The following TAOK2 variants were observed in gnomAD, a reference collection of about 807,000 sequenced individuals.
TAOK2 encodes the protein serine/threonine-protein kinase TAO2.
Under a neutral mutation model 122.5 loss-of-function variants are expected in TAOK2, and 42 were observed. The ratio of observed to expected loss-of-function variants is 0.34; its 90% CI spans 0.27 to 0.44. TAOK2 has a LOEUF of 0.44. TAOK2 is among the 20% of genes least tolerant of loss of function. TAOK2 has a pLI of 1.00. For synonymous variants in TAOK2, 704 were observed against 677.6 expected (o/e 1.04, Z -0.61); for missense variants, 1,264 against 1,644.9 (o/e 0.77, Z 4.01).
In TAOK2 at chr16:29,985,460, C is replaced by T; in HGVS notation, c.1670C>T (p.Ala557Val). Reference sequence around the variant, plus strand: ...ATAGGTGAGAAGGAGGCACGAGCTGCCCAGGCCGAGGAGCGGAAGTTCCAG... The same window carrying T: ...ATAGGTGAGAAGGAGGCACGAGCTGTCCAGGCCGAGGAGCGGAAGTTCCAG... ...QAIGEKEARA[A>V]QAEERKFQQH... is the part of the protein sequence containing the mutation. The change falls in exon 14 of 16, where the codon GCC becomes GTC. Residue 557 changes from alanine (A) to valine (V), a missense_variant. This residue lies in a region of TAOK2 where 824 missense variants were observed against 908.7 expected (regional missense o/e 0.91). Transcript: ENST00000308893. This position sits in a 1 kb window ranked among gnomAD's most constrained non-coding sequence, Gnocchi z 6.9. 1 of 1,612,320 alleles carries T rather than the reference C, an allele frequency of 6.2e-7. No homozygotes were observed.
rs778568429 is a variant in TAOK2, at chr16:29,981,669, A to C, written c.664A>C (p.Lys222Gln). The C allele has an allele frequency of 1.9e-6, 3 of 1,614,002 alleles. No individual in the cohort carries two copies. The highest frequency in any genetic ancestry group is 2.5e-6 in the Non-Finnish European group (3 of 1,180,018). Residue 222 changes from lysine (K) to glutamine (Q), a missense_variant, in exon 9 of 16, where the codon AAA becomes CAA. Around this residue, in one of 4 missense-constraint regions of TAOK2, gnomAD observed 254 missense variants for 503.8 expected, o/e 0.50. Coordinates refer to ENST00000308893, the MANE Select transcript of TAOK2 (RefSeq NM_016151.4). ...TTCACCTTTTTCTGTAGCTGAACGG[A>C]AACCACCGCTCTTTAACATGAATGC... ...GITCIELAER[K>Q]PPLFNMNAMS...
At chr16:29,982,365 G>A (rs9925915) in intron 10 of TAOK2, among the ~76,000 whole-genome samples, 2 of 152,006 alleles carry the variant, frequency 1.3e-5, no homozygotes, top group South Asian at 2.1e-4. Context: ...CTGAGGAGCC[G>A]TAGTTGGAAA....
Position 29,979,471 on chromosome 16 carries a change from G to A in TAOK2, c.618G>A (p.Val206=), listed in dbSNP as rs1344225081. 1 of 1,570,218 alleles carries A rather than the reference G, an allele frequency of 6.4e-7. No homozygotes were observed. The highest frequency in any genetic ancestry group is 2.3e-5 in the East Asian group (1 of 44,434). Residue 206 remains valine, a synonymous_variant, in exon 8 of 16, where the codon GTG becomes GTA. Coordinates refer to ENST00000308893, the MANE Select transcript of TAOK2 (RefSeq NM_016151.4). This position sits in a 1 kb window ranked among gnomAD's most constrained non-coding sequence, Gnocchi z 4.1. The part of the protein sequence containing the change: ...AMDEGQYDGK[V]DVWSLGITCI... ...ATGAGGGGCAGTACGATGGCAAAGT[G>A]GACGTCTGGTCCTTGGGGATAACCT...
chr16:29,978,471 G>C, intron 4 of TAOK2, 118 bp downstream of exon 4: 1 of 1,187,646 alleles, frequency 8.4e-7, no homozygotes, highest in Non-Finnish European at 1.2e-6. Context: ...TGGGAAGGAG[G>C]AAGTCTCTTT....
At chr16:29,983,763 G>A in intron 13 of TAOK2, 99 bp downstream of exon 13, 1 of 1,502,714 alleles carries the variant, frequency 6.7e-7, no homozygotes, top group Non-Finnish European at 8.9e-7. Context: ...GATTGAGTCT[G>A]GATTCTACCC....
At chr16:29,990,037 C>T, downstream of TAOK2, 1 of 486,964 alleles carries the variant, frequency 2.1e-6, no homozygotes, top group South Asian at 2.6e-5. Context: ...GTGCCTATTC[C>T]CAAGAACCAC....
chr16:29,978,838 C>T lies in TAOK2; in HGVS notation c.346C>T (p.Leu116=), dbSNP rs2069534256. ...EYCLGSASDL[L]EVHKKPLQEV... ...TTGCCTGGGCTCAGCTTCTGACCTTCTAGAAGGTAAGTGACTGATAGGCCA... is the reference window on the plus strand; with the variant it reads ...TTGCCTGGGCTCAGCTTCTGACCTTTTAGAAGGTAAGTGACTGATAGGCCA... The change falls in exon 5 of 16, where the codon CTA becomes TTA. Residue 116 remains leucine, a synonymous_variant. Coordinates refer to ENST00000308893, the MANE Select transcript of TAOK2 (RefSeq NM_016151.4). The T allele has an allele frequency of 6.2e-7, 1 of 1,613,810 alleles. No homozygotes were observed. The highest frequency in any genetic ancestry group is 1.7e-5 in the Admixed American group (1 of 59,986).
intron 8 of TAOK2, chr16:29,981,198 C>T: frequency 3.6e-6 from 1 of 280,194 alleles, no homozygotes; most frequent in Non-Finnish European, 6.6e-6. Context: ...TGCATACTCT[C>T]AACTTCCCAG....
chr16:29,991,369 C>T (rs957266536), downstream of TAOK2: 2 of 1,588,070 alleles, frequency 1.3e-6, no homozygotes, highest in East Asian at 4.5e-5. The surrounding 1 kb of genome is among the most constrained non-coding windows in gnomAD (Gnocchi z 5.6). Flanking sequence ...TGGCTGGGGC[C>T]CCCCACACAA....
Position 29,987,418 on chromosome 16 carries a change from G to C in TAOK2, c.3146G>C (p.Trp1049Ser). ...GTTCCCCTGGGCCTTGGAGCTGCCT[G>C]GCTCTTAGCTTGGCCAGGCCTAGCT... ...MGVPLGLGAA[W>S]LLAWPGLALP... The change falls in exon 16 of 16, where the codon TGG becomes TCG. Residue 1049 changes from tryptophan (W) to serine (S), a missense_variant. Around this residue, in one of 4 missense-constraint regions of TAOK2, gnomAD observed 824 missense variants for 908.7 expected, o/e 0.91. Transcript: ENST00000308893. 1 of 1,606,380 alleles carries C rather than the reference G, an allele frequency of 6.2e-7. No individual in the cohort carries two copies. Among genetic ancestry groups the C allele is most frequent in the Non-Finnish European group, 8.5e-7 (1 of 1,174,904 alleles).
Position 29,988,235 on chromosome 16 carries a change from C to T in TAOK2, c.*255C>T. 1 of 1,451,290 alleles carries T rather than the reference C, an allele frequency of 6.9e-7. No individual in the cohort carries two copies. Among genetic ancestry groups the T allele is most frequent in the Non-Finnish European group, 9.0e-7 (1 of 1,109,050 alleles). The allele number at this position is 1,451,290 out of a possible 1,614,324, so 89.9% of individuals were successfully genotyped here. On this transcript the variant is annotated 3_prime_UTR_variant, in exon 16 of 16. Transcript: ENST00000308893. Reference sequence around the variant, plus strand: ...CCCGCTGTGTGTGCTCATCCTCACCCTCATTGACTCAGGCCTGGGGCCAGG... The same window carrying T: ...CCCGCTGTGTGTGCTCATCCTCACCTTCATTGACTCAGGCCTGGGGCCAGG...
At chr16:29,991,368 C>T (rs758430018), downstream of TAOK2, 8 of 1,586,200 alleles carry the variant, frequency 5.0e-6, no homozygotes, top group South Asian at 3.4e-5. The surrounding 1 kb of genome is among the most constrained non-coding windows in gnomAD (Gnocchi z 5.6). Context: ...CTGGCTGGGG[C>T]CCCCCACACA....
At chr16:29,991,117 C>T, downstream of TAOK2, 3 of 1,603,266 alleles carry the variant, frequency 1.9e-6, no homozygotes, top group Non-Finnish European at 2.6e-6. The surrounding 1 kb of genome is among the most constrained non-coding windows in gnomAD (Gnocchi z 5.6). Context: ...GAGCGGCAGG[C>T]CCGTGAGATC....
At chr16:29,989,708 G>A (rs1035020348), downstream of TAOK2, 9 of 1,613,926 alleles carry the variant, frequency 5.6e-6, no homozygotes, top group Non-Finnish European at 6.8e-6. Flanking sequence ...CAGCACAAGA[G>A]CCTCCTTAAG....
chr16:29,974,858 G>A (rs554710215), intron 1 of TAOK2, among the ~76,000 whole-genome samples: 1 of 152,206 alleles, frequency 6.6e-6, no homozygotes, highest in South Asian at 2.1e-4. Context: ...GGGGACCTCA[G>A]GTGACAGGGT....
intron 8 of TAOK2, 115 bp from the exon 9 acceptor site, chr16:29,981,546 C>A: frequency 1.1e-6 from 1 of 899,174 alleles, no homozygotes; most frequent in Non-Finnish European, 1.8e-6. Context: ...TTCTCAAGGT[C>A]ATGTGGCAAG....
At chr16:29,981,415 G>A (rs1037559485) in intron 8 of TAOK2, 6 of 606,318 alleles carry the variant, frequency 9.9e-6, no homozygotes, top group Admixed American at 8.3e-5. Context: ...TTCTGCCTTC[G>A]TTACTGCTTT....
At chr16:29,991,187 C>T, downstream of TAOK2, 1 of 1,611,182 alleles carries the variant, frequency 6.2e-7, no homozygotes, top group Non-Finnish European at 8.5e-7. This position sits in a 1 kb window ranked among gnomAD's most constrained non-coding sequence, Gnocchi z 5.6. Context: ...TGGGGGGCAT[C>T]CCGGCTGAAG....
At position 29,981,734 on chromosome 16, in the gene TAOK2, C is replaced by T. The variant is rs559365140; in HGVS notation, c.729C>T (p.Pro243=). 3.8e-5 allele frequency: 61 copies of T among 1,614,056 alleles called. No individual in the cohort carries two copies. Among genetic ancestry groups the T allele is most frequent in the South Asian group, 4.4e-5 (4 of 91,090 alleles). ...ACCACATTGCACAGAACGAATCCCCCGTGCTCCAGTCAGGACACTGGTGAG... is the reference window on the plus strand; with the variant it reads ...ACCACATTGCACAGAACGAATCCCCTGTGCTCCAGTCAGGACACTGGTGAG... ...ALYHIAQNES[P]VLQSGHWSEY... is the part of the protein sequence containing the mutation. Residue 243 remains proline (P), a synonymous_variant, in exon 9 of 16, where the codon CCC becomes CCT. Coordinates refer to ENST00000308893, the MANE Select transcript of TAOK2 (RefSeq NM_016151.4).
Sources: gnomAD v4.1 joint callset for allele counts (sites outside exome capture counted in the v4.1 genomes callset) on GRCh38, gnomAD v4.1.1 for gene constraint, gnomAD v4.1.1 regional missense constraint, Gnocchi (gnomAD v3.1) non-coding constraint, MANE v1.5 for transcripts, NCBI Gene and HGNC (gene_info 2026-07-23, HGNC 2026-07-21) for gene names.